The following GRID1 variants were observed in gnomAD, a reference collection of about 807,000 sequenced individuals.
The protein encoded by GRID1 is glutamate ionotropic receptor delta type subunit 1.
GRID1 carries 28 observed loss-of-function variants against 98.0 expected under a neutral mutation model. The ratio of observed to expected loss-of-function variants is 0.29; its 90% CI spans 0.21 to 0.39. The LOEUF is 0.39. GRID1 is among the 10% of genes least tolerant of loss of function. The pLI, the probability that GRID1 is intolerant of heterozygous loss-of-function variation, is 1.00. For synonymous variants in GRID1, 553 were observed against 538.5 expected (o/e 1.03, Z -0.37); for missense variants, 1,111 against 1,340.5 (o/e 0.83, Z 2.67).
At chr10:86,259,365 C>G (rs1846976220) in intron 2 of GRID1, among the ~76,000 whole-genome samples, 1 of 152,242 alleles carries the variant, frequency 6.6e-6, no homozygotes, top group African/African-American at 2.4e-5. Context: ...CTGTACCTAT[C>G]CATGTTCACT....
At chr10:86,138,680 T>A (rs1844964560) in intron 4 of GRID1, 139 bp downstream of exon 4, 1 of 641,384 alleles carries the variant, frequency 1.6e-6, no homozygotes, top group Admixed American at 2.7e-5. Context: ...ACAGGCTGAG[T>A]GCTGTGGGCC....
At chr10:86,028,208 C>T (rs1408747486) in intron 4 of GRID1, among the ~76,000 whole-genome samples, 1 of 152,216 alleles carries the variant, frequency 6.6e-6, no homozygotes, top group East Asian at 1.9e-4. Flanking sequence ...TAGCCTGCTC[C>T]CACTGCATAT....
At position 85,944,205 on chromosome 10, in the gene GRID1, G is replaced by A. The variant is rs533228745; in HGVS notation, c.727-27966C>T. Among the ~76,000 whole-genome samples, 6 of 152,322 alleles carry A rather than the reference G, an allele frequency of 3.9e-5. 1 individual carries two copies. The Middle Eastern group carries it at 0.017, about 432-fold the overall frequency. On this transcript the variant is annotated intron_variant, in intron 4 of 15. Coordinates refer to ENST00000327946, the MANE Select transcript of GRID1 (RefSeq NM_017551.3). ...TCCCGGCTGAGCCCAGCCCAAACTG[G>A]TGGCCCACAGAATTGTGAGCTAAAA...
chr10:86,225,959 G>A (rs1476645590), intron 2 of GRID1, among the ~76,000 whole-genome samples: 2 of 152,078 alleles, frequency 1.3e-5, no homozygotes, highest in African/African-American at 4.8e-5. Context: ...CAGAGCTGGG[G>A]GCCTCATGGG....
At chr10:85,988,880 G>C (rs1208706671) in intron 4 of GRID1, among the ~76,000 whole-genome samples, 10 of 152,240 alleles carry the variant, frequency 6.6e-5, no homozygotes. Flanking sequence ...GAAGAAGTCT[G>C]TTGTGGTCAC....
intron 4 of GRID1, among the ~76,000 whole-genome samples, chr10:86,053,759 G>A (rs1843535896): frequency 6.6e-6 from 1 of 152,190 alleles, no homozygotes; most frequent in African/African-American, 2.4e-5. Context: ...AAAGGGGAAA[G>A]ATGCAGGATT....
chr10:85,708,002 T>C (rs773576658), intron 12 of GRID1, among the ~76,000 whole-genome samples: 2 of 151,232 alleles, frequency 1.3e-5, no homozygotes, highest in Admixed American at 6.6e-5. Context: ...TTAGGAGATA[T>C]ACCTAATGTT....
At chr10:86,251,319 C>T (rs1391536398) in intron 2 of GRID1, among the ~76,000 whole-genome samples, 1 of 149,324 alleles carries the variant, frequency 6.7e-6, no homozygotes, top group African/African-American at 2.5e-5. Context: ...TCCCCCTCTC[C>T]GAGAAACACC....
At chr10:86,174,140 A>G (rs1845537555) in intron 3 of GRID1, among the ~76,000 whole-genome samples, 1 of 152,204 alleles carries the variant, frequency 6.6e-6, no homozygotes, top group Non-Finnish European at 1.5e-5. Context: ...TAGATCCCTG[A>G]GGAATCGCCA....
chr10:86,344,667 T>C (rs555363758), intron 2 of GRID1, among the ~76,000 whole-genome samples: 5 of 152,364 alleles, frequency 3.3e-5, no homozygotes, highest in African/African-American at 1.2e-4. Flanking sequence ...AGCCCTGTCT[T>C]GACACCTGAA....
chr10:86,109,120 T>C (rs1844438191), intron 4 of GRID1, among the ~76,000 whole-genome samples: 1 of 152,248 alleles, frequency 6.6e-6, no homozygotes. Context: ...GCTGTGGTTA[T>C]AGATTGAGTA....
intron 12 of GRID1, among the ~76,000 whole-genome samples, chr10:85,695,136 A>G (rs1418059028): frequency 6.6e-6 from 1 of 152,184 alleles, no homozygotes; most frequent in African/African-American, 2.4e-5. Context: ...ACTTTCCAGC[A>G]CCTTGAATAT....
At chr10:86,097,519 C>G (rs897095775) in intron 4 of GRID1, among the ~76,000 whole-genome samples, 1 of 152,080 alleles carries the variant, frequency 6.6e-6, no homozygotes, top group East Asian at 1.9e-4. Flanking sequence ...GTCTACCTAT[C>G]TATCTAGCTA....
intron 4 of GRID1, among the ~76,000 whole-genome samples, chr10:86,065,100 C>T (rs958899676): frequency 2.9e-4 from 44 of 152,186 alleles, no homozygotes; most frequent in Admixed American, 2.4e-3. Flanking sequence ...CCACTAGGGC[C>T]ACCACCCGGC....
rs182150870 is a variant in GRID1, at chr10:86,199,359, C to A, written c.520+7005G>T. Among the ~76,000 whole-genome samples, 143 of 152,222 alleles carry A rather than the reference C, an allele frequency of 9.4e-4. 1 individual carries two copies. The highest frequency in any genetic ancestry group is 1.2e-3 in the Non-Finnish European group (83 of 67,980). ...TATCATAATATATTTAACCAATTTGCTGAAGATGGACCTTTAGGTTGTTGC... is the reference window on the plus strand; with the variant it reads ...TATCATAATATATTTAACCAATTTGATGAAGATGGACCTTTAGGTTGTTGC... On this transcript the variant is annotated intron_variant, in intron 3 of 15. Coordinates refer to ENST00000327946, the MANE Select transcript of GRID1 (RefSeq NM_017551.3).
rs1842562821 is a variant in GRID1 at position 85,600,784 on chromosome 10, T to G, written c.*1489A>C. ...AAAGGGCAACTGAAGGAGGGGGCGC[T>G]GTTAGGTGGTCCTAGGCTTAGAAAA... On this transcript the variant is annotated 3_prime_UTR_variant, in exon 16 of 16. Transcript: ENST00000327946. The G allele has an allele frequency of 6.6e-6, 1 of 152,250 alleles. No individual in the cohort carries two copies. Among genetic ancestry groups the G allele is most frequent in the South Asian group, 2.1e-4 (1 of 4,834 alleles). 9.4% of individuals were successfully genotyped at this position (152,250 alleles called of 1,614,324 possible).
At chr10:85,720,633 CAAA>C (rs1178857868) in intron 12 of GRID1, among the ~76,000 whole-genome samples, 1 of 79,092 alleles carries the variant, frequency 1.3e-5, no homozygotes. Flanking sequence ...AACAAACAGA[CAAA>C]AAAAAAAAAG....
intron 4 of GRID1, among the ~76,000 whole-genome samples, chr10:85,965,676 A>C (rs1008306045): frequency 5.3e-5 from 8 of 152,136 alleles, no homozygotes; most frequent in African/African-American, 1.9e-4. Context: ...TATGAGAAAT[A>C]CCTAATGTAG....
intron 4 of GRID1, among the ~76,000 whole-genome samples, chr10:86,036,834 G>A (rs1843272336): frequency 6.6e-6 from 1 of 152,190 alleles, no homozygotes; most frequent in Non-Finnish European, 1.5e-5. Context: ...CTGCAGCCTG[G>A]AGGGAACACT....
Sources: allele counts gnomAD v4.1 joint callset (sites outside exome capture counted in the v4.1 genomes callset), GRCh38; gene constraint gnomAD v4.1.1; transcripts MANE v1.5; gene names NCBI Gene and HGNC (gene_info 2026-07-23, HGNC 2026-07-21).